Variants in CNTN5 observed in about 807,000 individuals in gnomAD.
CNTN5 encodes the protein contactin-5.
Under a neutral mutation model 129.1 loss-of-function variants are expected in CNTN5, and 77 were observed. The ratio of observed to expected loss-of-function variants is 0.60; its 90% confidence interval spans 0.50 to 0.72. The LOEUF (loss-of-function observed/expected upper bound fraction) is 0.72, where lower values mean the gene tolerates loss of function less well. Ranked by LOEUF, CNTN5 falls within the 30% of genes least tolerant of loss-of-function variation. The pLI, the probability that CNTN5 is intolerant of heterozygous loss-of-function variation, is 0.00. For synonymous variants in CNTN5, 509 were observed against 465.6 expected, an observed-to-expected ratio of 1.09 and a Z score of -1.20; for missense variants, 1,478 against 1,328.8, an observed-to-expected ratio of 1.11 and a Z score of -1.75.
chr11:99,732,987 C>T (rs997482921), intron 3 of CNTN5, among the ~76,000 whole-genome samples: 23 of 152,026 alleles, frequency 1.5e-4, no homozygotes, highest in Non-Finnish European at 2.9e-4. Flanking sequence ...GGAATTTTTT[C>T]AGCGTATGAT....
At chr11:99,629,200 T>C (rs1951247265) in intron 3 of CNTN5, among the ~76,000 whole-genome samples, 1 of 152,162 alleles carries the variant, frequency 6.6e-6, no homozygotes, top group Middle Eastern at 3.4e-3. Context: ...ATTTATTTTG[T>C]AGCCACAAAA....
At chr11:99,987,949 A>C (rs968800088) in intron 8 of CNTN5, among the ~76,000 whole-genome samples, 1 of 152,256 alleles carries the variant, frequency 6.6e-6, no homozygotes, top group Non-Finnish European at 1.5e-5. Context: ...ACAAAGCACC[A>C]GGCTTGTAGC....
At chr11:99,388,982 C>CTTTATTTTATTTTATT (rs955940702) in intron 2 of CNTN5, among the ~76,000 whole-genome samples, 11 of 120,380 alleles carry the variant, frequency 9.1e-5, no homozygotes, top group African/African-American at 3.4e-4. Flanking sequence ...TTCTCCAGTC[C>CTTTATTTTATTTTATT]TTATTTTATT....
intron 4 of CNTN5, among the ~76,000 whole-genome samples, chr11:99,823,304 A>G (rs1946856497): frequency 1.3e-5 from 2 of 152,146 alleles, no homozygotes; most frequent in Non-Finnish European, 2.9e-5. Flanking sequence ...AGTTTCCTTT[A>G]TATGTTTCAT....
intron 1 of CNTN5, among the ~76,000 whole-genome samples, chr11:99,324,227 A>T (rs1865690254): frequency 6.6e-6 from 1 of 152,198 alleles, no homozygotes; most frequent in South Asian, 2.1e-4. Flanking sequence ...ATCATGAAAT[A>T]TGTACCTTAG....
At chr11:99,939,843 G>C (rs1591452005) in intron 7 of CNTN5, among the ~76,000 whole-genome samples, 1 of 152,024 alleles carries the variant, frequency 6.6e-6, no homozygotes, top group Non-Finnish European at 1.5e-5. Flanking sequence ...TTTGTGTTAT[G>C]GAAGTAAAAT....
At chr11:100,276,549 AAAAGG>A (rs1358565170) in intron 18 of CNTN5, among the ~76,000 whole-genome samples, 5,883 of 146,408 alleles carry the variant, frequency 0.04, 155 homozygotes, top group African/African-American at 0.088. Flanking sequence ...AAAAAAAAAA[AAAAGG>A]AAAGAAACAC....
At chr11:100,252,842 G>C (rs557692184) in intron 16 of CNTN5, among the ~76,000 whole-genome samples, 1 of 152,222 alleles carries the variant, frequency 6.6e-6, no homozygotes, top group Admixed American at 6.6e-5. Flanking sequence ...TAATTGGACT[G>C]ACAACTGTCT....
chr11:99,132,124 C>A (rs1055901422), intron 1 of CNTN5, among the ~76,000 whole-genome samples: 5 of 151,874 alleles, frequency 3.3e-5, no homozygotes, highest in Admixed American at 6.6e-5. Flanking sequence ...TAATTCCTCA[C>A]ATAAACAGAA....
intron 3 of CNTN5, among the ~76,000 whole-genome samples, chr11:99,565,366 G>A (rs992804122): frequency 6.6e-6 from 1 of 152,190 alleles, no homozygotes; most frequent in African/African-American, 2.4e-5. Flanking sequence ...TAGCAGAGAA[G>A]AGAAAAAGAC....
At chr11:100,018,318 C>T (rs78927663) in intron 9 of CNTN5, among the ~76,000 whole-genome samples, 2,248 of 151,984 alleles carry the variant, frequency 0.015, 71 homozygotes, top group African/African-American at 0.051. Context: ...TTCCCATCCA[C>T]GCATCCTCAA....
intron 6 of CNTN5, among the ~76,000 whole-genome samples, chr11:99,886,859 A>G (rs1237912128): frequency 6.6e-6 from 1 of 152,216 alleles, no homozygotes; most frequent in East Asian, 1.9e-4. Context: ...AATGTAAACA[A>G]TATATTTTGT....
chr11:99,646,681 T>C (rs1484939982), intron 3 of CNTN5, among the ~76,000 whole-genome samples: 2 of 152,128 alleles, frequency 1.3e-5, no homozygotes, highest in Non-Finnish European at 2.9e-5. Flanking sequence ...ACTAATGTAA[T>C]TCCTATTAAG....
chr11:99,543,467 A>C (rs1278530904), intron 2 of CNTN5, among the ~76,000 whole-genome samples: 1 of 152,182 alleles, frequency 6.6e-6, no homozygotes, highest in Admixed American at 6.5e-5. Context: ...TATCAAATTC[A>C]GTTAGGCCAT....
chr11:99,432,882 C>G (rs1443572009), intron 2 of CNTN5, among the ~76,000 whole-genome samples: 5 of 151,230 alleles, frequency 3.3e-5, no homozygotes, highest in East Asian at 1.9e-4. Flanking sequence ...TGCAAGAGTA[C>G]TAGAATGTTC....
At chr11:100,333,910 C>A (rs954606510) in intron 21 of CNTN5, among the ~76,000 whole-genome samples, 1 of 152,048 alleles carries the variant, frequency 6.6e-6, no homozygotes, top group Non-Finnish European at 1.5e-5. Flanking sequence ...AAAGCAAATG[C>A]AACAAAAACA....
chr11:99,906,577 T>C (rs887383924), intron 6 of CNTN5, among the ~76,000 whole-genome samples: 2 of 152,216 alleles, frequency 1.3e-5, no homozygotes, highest in Admixed American at 6.5e-5. Context: ...TCCACATTGA[T>C]GTTCATTAGG....
In CNTN5 at chr11:99,030,429, G is replaced by A. The variant is rs560744139; in HGVS notation, c.-210+9159G>A. On this transcript the variant is annotated intron_variant, in intron 1 of 24. Transcript: ENST00000524871. ...GTATTCATGTATGTTTGCTGATGGT[G>A]ACATGTTTTATTTTAATGACCTTAT... Among the ~76,000 whole-genome samples the A allele has an allele frequency of 2.6e-5, 4 of 152,226 alleles. No homozygotes were observed. The East Asian group carries it at 7.7e-4, about 29-fold the overall frequency.
At chr11:99,764,321 T>C (rs1944682410) in intron 3 of CNTN5, among the ~76,000 whole-genome samples, 1 of 152,096 alleles carries the variant, frequency 6.6e-6, no homozygotes, top group African/African-American at 2.4e-5. Flanking sequence ...GGAAAACAAG[T>C]TGGGTGACTC....
Sources: gnomAD v4.1 joint callset for allele counts (sites outside exome capture counted in the v4.1 genomes callset) on GRCh38, gnomAD v4.1.1 for gene constraint, MANE v1.5 for transcripts, NCBI Gene and HGNC (gene_info 2026-07-23, HGNC 2026-07-21) for gene names.